MINK1: variants seen among roughly 807,000 people sequenced by gnomAD.
MINK1 encodes misshapen-like kinase 1.
In MINK1, 46 loss-of-function variants were observed where a neutral mutation model predicts 178.4. The ratio of observed to expected loss-of-function variants is 0.26; its 90% CI spans 0.20 to 0.33. The LOEUF (loss-of-function observed/expected upper bound fraction) is 0.33. Among genes scored for constraint, MINK1 ranks in the 10% least tolerant of loss-of-function variants. MINK1 has a pLI of 1.00. For synonymous variants in MINK1, 797 were observed against 709.7 expected (o/e 1.12, Z -1.96); for missense variants, 1,366 against 1,814.9 (o/e 0.75, Z 4.49).
chr17:4,866,269 C>T (rs1213448849), intron 1 of MINK1, among the ~76,000 whole-genome samples: 1 of 151,992 alleles, frequency 6.6e-6, no homozygotes, highest in African/African-American at 2.4e-5. Flanking sequence ...AGATTAAGAC[C>T]ATCCTGGCCA....
chr17:4,892,569 T>C, intron 18 of MINK1, 57 bp downstream of exon 18: 1 of 1,538,630 alleles, frequency 6.5e-7, no homozygotes, highest in South Asian at 1.2e-5. Flanking sequence ...CCCGCTTCCC[T>C]GGTGATGGCT....
chr17:4,840,142 A>G (rs1909996779), intron 1 of MINK1, among the ~76,000 whole-genome samples: 1 of 152,204 alleles, frequency 6.6e-6, no homozygotes, highest in Non-Finnish European at 1.5e-5. Flanking sequence ...AGACAAAAAT[A>G]TCTAGTTGAT....
At chr17:4,865,388 C>T (rs1009967206) in intron 1 of MINK1, among the ~76,000 whole-genome samples, 3 of 151,874 alleles carry the variant, frequency 2.0e-5, no homozygotes, top group Non-Finnish European at 4.4e-5. Flanking sequence ...GAGCCGAGAT[C>T]GCGCCATTGC....
chr17:4,881,430 C>T (rs1270706459), intron 4 of MINK1, among the ~76,000 whole-genome samples, 173 bp downstream of exon 4: 5 of 152,128 alleles, frequency 3.3e-5, no homozygotes, highest in South Asian at 2.1e-4. Flanking sequence ...TGGATGGCCC[C>T]GCACTCCAGC....
chr17:4,848,967 G>A (rs1348660151), intron 1 of MINK1, among the ~76,000 whole-genome samples: 1 of 152,166 alleles, frequency 6.6e-6, no homozygotes, highest in East Asian at 1.9e-4. Context: ...CAGAAAGCGT[G>A]TCTCCTGGGG....
chr17:4,895,340 C>T lies in MINK1; in HGVS notation c.3086-10C>T, dbSNP rs761315245. On this transcript the variant is annotated splice_polypyrimidine_tract_variant and intron_variant, in intron 25 of 31. Transcript: ENST00000355280. This position sits in a 1 kb window ranked among gnomAD's most constrained non-coding sequence, Gnocchi z 4.3. The stretch of plus-strand genomic sequence containing the variant: ...TGAGCCTCTGACCTGCCCAAGGGCT[C>T]CTGTTGCAGGGGTCAACCTGCTGGT... 1 of 1,602,984 alleles carries T rather than the reference C, an allele frequency of 6.2e-7. No homozygotes were observed. The highest frequency in any genetic ancestry group is 8.5e-7 in the Non-Finnish European group (1 of 1,173,296).
At chr17:4,856,604 G>A (rs1449759859) in intron 1 of MINK1, among the ~76,000 whole-genome samples, 1 of 152,070 alleles carries the variant, frequency 6.6e-6, no homozygotes, top group Non-Finnish European at 1.5e-5. Flanking sequence ...GCTCCACAGG[G>A]GTATGGACAG....
At chr17:4,853,327 TTGG>T (rs1450317273) in intron 1 of MINK1, among the ~76,000 whole-genome samples, 8 of 67,796 alleles carry the variant, frequency 1.2e-4, no homozygotes, top group Non-Finnish European at 5.6e-5. Flanking sequence ...AAGAGTGTGG[TTGG>T]TGGGGGAGTG....
At chr17:4,853,916 G>A (rs1472050903) in intron 1 of MINK1, among the ~76,000 whole-genome samples, 1 of 152,134 alleles carries the variant, frequency 6.6e-6, no homozygotes, top group African/African-American at 2.4e-5. Context: ...CTGGGGATAG[G>A]AGATGGCTAG....
chr17:4,892,795 G>T, intron 19 of MINK1, 27 bp downstream of exon 19: 1 of 1,572,036 alleles, frequency 6.4e-7, no homozygotes, highest in Non-Finnish European at 8.7e-7. Flanking sequence ...TGGGCAGCCT[G>T]CTCTGGGCCT....
At chr17:4,860,756 G>A in intron 1 of MINK1, 1 of 520,066 alleles carries the variant, frequency 1.9e-6, no homozygotes, top group Non-Finnish European at 3.8e-6. Context: ...TCAGTTCTAG[G>A]GAGCAGAGAC....
chr17:4,843,687 A>C (rs1567557184), intron 1 of MINK1, among the ~76,000 whole-genome samples: 1 of 152,110 alleles, frequency 6.6e-6, no homozygotes, highest in Non-Finnish European at 1.5e-5. Context: ...TCCTTCTGTA[A>C]TCTCATTGTC....
At position 4,896,542 on chromosome 17, in the gene MINK1, C is replaced by T. The variant is rs1199494172; in HGVS notation, c.3729C>T (p.Ile1243=). The change falls in exon 30 of 32, where the codon ATC becomes ATT. Residue 1243 remains isoleucine (I), a synonymous_variant. Transcript: ENST00000355280. This position sits in a 1 kb window ranked among gnomAD's most constrained non-coding sequence, Gnocchi z 4.6. ...EGVYVNTYGR[I]IKDVVLQWGE... is the part of the protein sequence containing the mutation. ...TCTACGTCAACACGTACGGGCGCAT[C>T]ATTAAGGATGTGGTGCTGCAGTGGG... 2 of 1,613,978 alleles carry T rather than the reference C, an allele frequency of 1.2e-6. No individual in the cohort carries two copies. Among genetic ancestry groups the T allele is most frequent in the African/African-American group, 1.3e-5 (1 of 75,048 alleles).
At chr17:4,850,957 G>C (rs1463762973) in intron 1 of MINK1, 1 of 456,396 alleles carries the variant, frequency 2.2e-6, no homozygotes, top group African/African-American at 2.0e-5. Context: ...TGCTCTCTCT[G>C]GTGTCTGCTT....
At chr17:4,891,217 CACACA>C in intron 15 of MINK1, 93 bp downstream of exon 15, 2 of 1,180,020 alleles carry the variant, frequency 1.7e-6, no homozygotes, top group Non-Finnish European at 2.3e-6. Context: ...CACACACACA[CACACA>C]CACCTGCTCA....
In MINK1 at chr17:4,892,685, G is replaced by C; in HGVS notation, c.2228G>C (p.Gly743Ala). ...CCCGACCTCAGGAGGAGCGACCCTG[G>C]CTGGGAACGCTCGGACAGCGTCCTT... is the stretch of plus-strand genomic sequence containing the variant. ...SNPDLRRSDPGWERSDSVLPA... is the reference protein window; with the variant it reads ...SNPDLRRSDPAWERSDSVLPA... Residue 743 changes from glycine to alanine, a missense_variant, in exon 19 of 32, where the codon GGC (glycine) becomes GCC (alanine). Around this residue, in one of 14 missense-constraint regions of MINK1, gnomAD observed 709 missense variants for 692.3 expected, o/e 1.02. Transcript: ENST00000355280. 1 of 1,611,174 alleles carries C rather than the reference G, an allele frequency of 6.2e-7. No individual in the cohort carries two copies. The highest frequency in any genetic ancestry group is 8.5e-7 in the Non-Finnish European group (1 of 1,179,034).
chr17:4,840,114 C>T (rs1190277870), intron 1 of MINK1, among the ~76,000 whole-genome samples: 4 of 151,934 alleles, frequency 2.6e-5, no homozygotes, highest in Admixed American at 1.3e-4. Flanking sequence ...ATTGCTTTTA[C>T]GAGACAAAAC....
chr17:4,871,158 C>CT (rs952965968), intron 1 of MINK1: 12 of 231,026 alleles, frequency 5.2e-5, no homozygotes, highest in Non-Finnish European at 1.1e-4. Flanking sequence ...AGTTTATTCC[C>CT]TTTTTTTGTT....
At chr17:4,852,051 A>G (rs936486752) in intron 1 of MINK1, among the ~76,000 whole-genome samples, 8 of 151,616 alleles carry the variant, frequency 5.3e-5, no homozygotes, top group African/African-American at 1.7e-4. Context: ...CTCTCTGGTA[A>G]AACATTTACC....
Sources: gnomAD v4.1 joint callset for allele counts (sites outside exome capture counted in the v4.1 genomes callset) on GRCh38, gnomAD v4.1.1 for gene constraint, gnomAD v4.1.1 regional missense constraint, Gnocchi (gnomAD v3.1) non-coding constraint, MANE v1.5 for transcripts, NCBI Gene and HGNC (gene_info 2026-07-23, HGNC 2026-07-21) for gene names.